Variants in CBL observed in about 807,000 individuals in gnomAD.
CBL encodes the protein E3 ubiquitin-protein ligase CBL.
In CBL, 45 loss-of-function variants were observed where a neutral mutation model predicts 96.9. That is an observed-to-expected ratio of 0.46 (90% confidence interval 0.37 to 0.60). CBL has a LOEUF of 0.60. Among genes scored for constraint, CBL ranks in the 20% least tolerant of loss-of-function variants. The probability of loss-of-function intolerance (pLI) is 0.00; values close to 1 mark genes in which losing one functional copy is unlikely to be tolerated. For missense variants in CBL, 1,024 were observed against 1,143.5 expected (o/e 0.90, Z 1.51); for synonymous variants, 420 against 426.8 (o/e 0.98, Z 0.20).
chr11:119,295,458 A>G (rs1429301315), intron 12 of CBL, among the ~76,000 whole-genome samples: 1 of 152,128 alleles, frequency 6.6e-6, no homozygotes. Flanking sequence ...GGGGTGACTC[A>G]GGCCTGTAAT....
chr11:119,214,896 T>G (rs1949346570), intron 1 of CBL, among the ~76,000 whole-genome samples: 2 of 148,534 alleles, frequency 1.3e-5, no homozygotes, highest in African/African-American at 4.9e-5. Flanking sequence ...GTAGGGAATT[T>G]TTTTTTTTTT....
chr11:119,224,923 T>A (rs1416456389), intron 1 of CBL, among the ~76,000 whole-genome samples: 2 of 152,046 alleles, frequency 1.3e-5, no homozygotes, highest in East Asian at 3.9e-4. Context: ...TTGGTATAAC[T>A]TTTATTGAAA....
chr11:119,222,660 G>A (rs1230708688), intron 1 of CBL, among the ~76,000 whole-genome samples: 1 of 151,108 alleles, frequency 6.6e-6, no homozygotes, highest in South Asian at 2.1e-4. Flanking sequence ...GAAATTTTTT[G>A]GTGAATTTTT....
intron 9 of CBL, among the ~76,000 whole-genome samples, chr11:119,280,931 C>G (rs1321193623): frequency 6.6e-6 from 1 of 152,178 alleles, no homozygotes; most frequent in Non-Finnish European, 1.5e-5. Context: ...ACAATAATTA[C>G]TTTTGCTTTC....
Position 119,300,592 on chromosome 11 carries a change from C to G in CBL, c.*811C>G. The G allele has an allele frequency of 2.5e-6, 1 of 399,214 alleles. No homozygotes were observed. The highest frequency in any genetic ancestry group is 4.4e-6 in the Non-Finnish European group (1 of 226,166). 24.7% of individuals were successfully genotyped at this position (399,214 alleles called of 1,614,324 possible). ...GCATGTTTGATACTAGCAGCTAACA[C>G]TGGTCACTCCAAAGCACTGTTTCTA... On this transcript the variant is annotated 3_prime_UTR_variant, in exon 16 of 16. Transcript: ENST00000264033.
intron 9 of CBL, among the ~76,000 whole-genome samples, chr11:119,283,242 T>C (rs1949951882): frequency 6.6e-6 from 1 of 152,204 alleles, no homozygotes; most frequent in Non-Finnish European, 1.5e-5. Flanking sequence ...AACTTTGACT[T>C]TTGTCATTGA....
chr11:119,246,032 C>T lies in CBL; in HGVS notation c.443+13337C>T, dbSNP rs185234796. ...TCTTTGTCACCAGGCTGGAGTGCAG[C>T]GGCGCGATCTCAGCTCACTGCAGCC... On this transcript the variant is annotated intron_variant, in intron 2 of 15. Coordinates refer to ENST00000264033, the MANE Select transcript of CBL (RefSeq NM_005188.4). 2.1e-3 allele frequency among the ~76,000 whole-genome samples: 264 copies of T among 123,692 alleles called. 1 individual carries two copies. The highest frequency in any genetic ancestry group is 2.8e-3 in the Non-Finnish European group (177 of 62,546). 81.1% of individuals were successfully genotyped at this position (123,692 alleles called of 152,430 possible).
chr11:119,258,857 T>C (rs555513999), intron 2 of CBL, among the ~76,000 whole-genome samples: 2 of 152,342 alleles, frequency 1.3e-5, no homozygotes, highest in African/African-American at 2.4e-5. Context: ...AATCTATCGA[T>C]TGCTTTGGGC....
At chr11:119,240,078 G>T (rs1264962882) in intron 2 of CBL, among the ~76,000 whole-genome samples, 1 of 152,066 alleles carries the variant, frequency 6.6e-6, no homozygotes, top group Non-Finnish European at 1.5e-5. Flanking sequence ...GATCACTTGA[G>T]GTCAGGAGTT....
intron 2 of CBL, among the ~76,000 whole-genome samples, chr11:119,239,957 T>G (rs1405028845): frequency 6.6e-6 from 1 of 152,164 alleles, no homozygotes; most frequent in Non-Finnish European, 1.5e-5. Flanking sequence ...AAGTAGAAAC[T>G]TGTTGACTCA....
rs78788035 is a variant in CBL at position 119,301,929 on chromosome 11, C to G, written c.*2148C>G. On this transcript the variant is annotated 3_prime_UTR_variant, in exon 16 of 16. Coordinates refer to ENST00000264033, the MANE Select transcript of CBL (RefSeq NM_005188.4). ...AAAAAAAGCAGTTTCCAGGCCCATC[C>G]ATATTGTAATTTTTCTTTATCTGCA... is the stretch of plus-strand genomic sequence containing the variant. The G allele has an allele frequency of 4.3e-6, 1 of 233,158 alleles. No individual in the cohort carries two copies. The highest frequency in any genetic ancestry group is 2.2e-5 in the African/African-American group (1 of 45,420). 14.4% of individuals were successfully genotyped at this position (233,158 alleles called of 1,614,324 possible).
chr11:119,302,869 G>A lies in CBL; in HGVS notation c.*3088G>A, dbSNP rs915731716. On this transcript the variant is annotated 3_prime_UTR_variant, in exon 16 of 16. Transcript: ENST00000264033. ...GGTGGCCGTTCTCTTCCACTTGCTC[G>A]TCTCCCCCCAGCCCCATTCTGCATA... 5 of 230,674 alleles carry A rather than the reference G, an allele frequency of 2.2e-5. No individual in the cohort carries two copies. The highest frequency in any genetic ancestry group is 6.2e-5 in the East Asian group (1 of 16,252). The allele number at this position is 230,674 out of a possible 1,614,324, so 14.3% of individuals were successfully genotyped here. A position where few individuals can be genotyped will look rare whatever the true frequency, so the allele number is the denominator to read the frequency against.
intron 2 of CBL, among the ~76,000 whole-genome samples, chr11:119,267,089 C>A (rs1949808399): frequency 6.6e-6 from 1 of 152,180 alleles, no homozygotes; most frequent in Admixed American, 6.5e-5. Context: ...AGACACTGAA[C>A]CATAAGCTTC....
At chr11:119,212,987 A>G (rs1433555886) in intron 1 of CBL, among the ~76,000 whole-genome samples, 1 of 152,100 alleles carries the variant, frequency 6.6e-6, no homozygotes, top group Non-Finnish European at 1.5e-5. Context: ...AAAAAGAAAA[A>G]AAAAAAAATA....
Position 119,252,973 on chromosome 11 carries a change from A to T in CBL, c.444-18762A>T, listed in dbSNP as rs1302263887. ...TCCTTGCAGATCCTAAATGATTAAC[A>T]TATTGTTGGTAGCATAGTTTCTTAG... On this transcript the variant is annotated intron_variant, in intron 2 of 15. Transcript: ENST00000264033. Among the ~76,000 whole-genome samples, 4 of 152,052 alleles carry T rather than the reference A, an allele frequency of 2.6e-5. No individual in the cohort carries two copies. In the East Asian group the frequency reaches 5.8e-4, roughly 22 times the overall value.
chr11:119,267,631 C>T (rs1949813705), intron 2 of CBL, among the ~76,000 whole-genome samples: 1 of 152,198 alleles, frequency 6.6e-6, no homozygotes, highest in Non-Finnish European at 1.5e-5. Flanking sequence ...CCTCACAGCA[C>T]TTTTCTCCTA....
intron 15 of CBL, 29 bp downstream of exon 15, chr11:119,298,569 C>T: frequency 6.3e-7 from 1 of 1,596,458 alleles, no homozygotes. Flanking sequence ...TTGGGTTTGT[C>T]CTGAATGGCA....
intron 8 of CBL, 22 bp from the exon 9 acceptor site, chr11:119,278,488 C>T (rs1949907427): frequency 2.5e-6 from 4 of 1,602,166 alleles, no homozygotes; most frequent in Non-Finnish European, 3.4e-6. Flanking sequence ...GCATCTGTTA[C>T]TATCTTTTGC....
chr11:119,207,139 A>G (rs914725306), intron 1 of CBL, among the ~76,000 whole-genome samples: 6 of 152,116 alleles, frequency 3.9e-5, no homozygotes, highest in Non-Finnish European at 8.8e-5. Flanking sequence ...GGGTGAGAGT[A>G]TAGTCCTTTC....
Sources: gnomAD v4.1 joint callset for allele counts (sites outside exome capture counted in the v4.1 genomes callset) on GRCh38, gnomAD v4.1.1 for gene constraint, MANE v1.5 for transcripts, NCBI Gene and HGNC (gene_info 2026-07-23, HGNC 2026-07-21) for gene names.